Variants in ANKRD42 observed in about 807,000 individuals in gnomAD.
The protein encoded by ANKRD42 is ankyrin repeat domain-containing protein 42.
Under a neutral mutation model 51.5 loss-of-function variants are expected in ANKRD42, and 43 were observed. That is an observed-to-expected ratio of 0.83 (90% CI 0.65 to 1.08). The LOEUF (loss-of-function observed/expected upper bound fraction) is 1.08. ANKRD42 is among the 50% of genes least tolerant of loss of function. ANKRD42 has a pLI of 0.00. For missense variants in ANKRD42, 608 were observed against 629.3 expected (o/e 0.97, Z 0.36); for synonymous variants, 203 against 213.0 (o/e 0.95, Z 0.41).
Position 83,210,412 on chromosome 11 carries a change from G to T in ANKRD42, c.443G>T (p.Ser148Ile). Residue 148 changes from serine (S) to isoleucine (I), a missense_variant, in exon 4 of 11, where the codon AGT (serine) becomes ATT (isoleucine). Transcript: ENST00000533342. ...HSFTLQIMLRSGVDPSVTDKR... is the reference protein window; with the variant it reads ...HSFTLQIMLRIGVDPSVTDKR... Reference sequence around the variant, plus strand: ...TTCACTTTACAAATAATGCTCCGAAGTGGAGTGGTGAGTGACTCCTGTTAA... The same window carrying T: ...TTCACTTTACAAATAATGCTCCGAATTGGAGTGGTGAGTGACTCCTGTTAA... The T allele has an allele frequency of 6.2e-7, 1 of 1,613,876 alleles. No individual in the cohort carries two copies. The highest frequency in any genetic ancestry group is 8.5e-7 in the Non-Finnish European group (1 of 1,179,832).
At chr11:83,205,344 G>T (rs1429299191) in intron 2 of ANKRD42, among the ~76,000 whole-genome samples, 1 of 152,116 alleles carries the variant, frequency 6.6e-6, no homozygotes, top group Non-Finnish European at 1.5e-5. Flanking sequence ...TCTGCTGCAG[G>T]AAAATGATAT....
chr11:83,233,669 G>GATTTT (rs1459393494), intron 7 of ANKRD42, among the ~76,000 whole-genome samples: 1 of 151,870 alleles, frequency 6.6e-6, no homozygotes, highest in Non-Finnish European at 1.5e-5. Flanking sequence ...TGCATCATTA[G>GATTTT]ATTTTGTTTT....
chr11:83,216,038 A>G (rs943508863), intron 5 of ANKRD42, among the ~76,000 whole-genome samples: 6 of 152,026 alleles, frequency 3.9e-5, no homozygotes, highest in African/African-American at 1.5e-4. Flanking sequence ...CAAGTGATCC[A>G]CCCACCTCGG....
At chr11:83,242,855 G>A (rs1214841906) in intron 9 of ANKRD42, among the ~76,000 whole-genome samples, 2 of 152,052 alleles carry the variant, frequency 1.3e-5, no homozygotes, top group East Asian at 3.9e-4. Flanking sequence ...GAGCCACTGT[G>A]CCCGGCCGCA....
At chr11:83,256,043 T>A (rs1298954486) in exon 12 of ANKRD42, 1 of 744,342 alleles carries the variant, frequency 1.3e-6, no homozygotes, top group Non-Finnish European at 2.0e-6. Flanking sequence ...TATGCTTCTG[T>A]TCCAATTCTG....
At chr11:83,196,596 A>G (rs1861666246) in intron 1 of ANKRD42, among the ~76,000 whole-genome samples, 1 of 152,204 alleles carries the variant, frequency 6.6e-6, no homozygotes, top group Non-Finnish European at 1.5e-5. Context: ...GTTTGAAGTC[A>G]TCTGTGCTTC....
At chr11:83,219,277 C>A (rs1019831794) in intron 5 of ANKRD42, among the ~76,000 whole-genome samples, 1 of 152,216 alleles carries the variant, frequency 6.6e-6, no homozygotes, top group African/African-American at 2.4e-5. Flanking sequence ...TTGCCCCTGC[C>A]ATGTGCCTGT....
intron 3 of ANKRD42, chr11:83,210,067 TCATGTTAA>T: frequency 2.4e-6 from 1 of 410,744 alleles, no homozygotes; most frequent in Non-Finnish European, 4.4e-6. Context: ...AGAAATCTGT[TCATGTTAA>T]AAGCCTTGAT....
At chr11:83,262,960 CTACTT>C (rs1254620644), downstream of ANKRD42, among the ~76,000 whole-genome samples, 1 of 152,178 alleles carries the variant, frequency 6.6e-6, no homozygotes, top group Admixed American at 6.5e-5. Flanking sequence ...ATTACACACA[CTACTT>C]TATTTAACCA....
rs1354466801 is a variant in ANKRD42, at chr11:83,194,479, A to G, written c.-192A>G. 1 of 707,706 alleles carries G rather than the reference A, an allele frequency of 1.4e-6. No individual in the cohort carries two copies. Among genetic ancestry groups the G allele is most frequent in the Non-Finnish European group, 2.6e-6 (1 of 389,766 alleles). The allele number at this position is 707,706 out of a possible 1,614,324, so 43.8% of individuals were successfully genotyped here. A position where few individuals can be genotyped will look rare whatever the true frequency, so the allele number is the denominator to read the frequency against. ...CTACCGCTTCAGTGGCTTTTGGGAG[A>G]GAGAAAGTGAAGACGAAGGTTTCCG... On this transcript the variant is annotated 5_prime_UTR_variant, in exon 1 of 11. Transcript: ENST00000533342.
At chr11:83,221,754 A>C (rs1340663273) in intron 5 of ANKRD42, among the ~76,000 whole-genome samples, 1 of 152,200 alleles carries the variant, frequency 6.6e-6, no homozygotes, top group Non-Finnish European at 1.5e-5. Flanking sequence ...GACCTGTGGA[A>C]AGAACCTTAG....
At chr11:83,262,495 A>G (rs1863984992), downstream of ANKRD42, among the ~76,000 whole-genome samples, 1 of 152,202 alleles carries the variant, frequency 6.6e-6, no homozygotes, top group South Asian at 2.1e-4. Flanking sequence ...TAGTTAATAT[A>G]CTACCTGTAC....
chr11:83,205,968 T>C (rs1862053598), intron 2 of ANKRD42, 90 bp from the exon 3 acceptor site: 2 of 1,044,756 alleles, frequency 1.9e-6, no homozygotes, highest in Non-Finnish European at 2.9e-6. Context: ...TTCACTACAG[T>C]CTGCTATTTT....
At chr11:83,247,805 C>A in intron 10 of ANKRD42, 138 bp from the exon 11 acceptor site, 2 of 814,692 alleles carry the variant, frequency 2.5e-6, no homozygotes, top group Non-Finnish European at 3.7e-6. Context: ...TCTTAGTAGA[C>A]CCTTAATACA....
intron 7 of ANKRD42, among the ~76,000 whole-genome samples, chr11:83,231,161 T>G (rs1863058389): frequency 6.6e-6 from 1 of 152,220 alleles, no homozygotes; most frequent in Non-Finnish European, 1.5e-5. Flanking sequence ...GTTGTACAAA[T>G]TTACATTCTC....
At chr11:83,247,050 T>C (rs1053177926) in intron 10 of ANKRD42, among the ~76,000 whole-genome samples, 3 of 152,158 alleles carry the variant, frequency 2.0e-5, no homozygotes, top group African/African-American at 7.2e-5. Flanking sequence ...TTTCTTGGTA[T>C]CTCACAAATC....
At chr11:83,211,201 G>A (rs2135502747) in intron 4 of ANKRD42, 94 bp from the exon 5 acceptor site, 1 of 1,503,808 alleles carries the variant, frequency 6.6e-7, no homozygotes, top group East Asian at 2.3e-5. Flanking sequence ...ATTAAGAACA[G>A]CCTCCAATTC....
intron 7 of ANKRD42, among the ~76,000 whole-genome samples, chr11:83,230,748 G>A (rs558177239): frequency 3.9e-5 from 6 of 152,130 alleles, no homozygotes; most frequent in Non-Finnish European, 5.9e-5. Context: ...CACCATGCCC[G>A]GCTAATTTTT....
chr11:83,264,064 A>C (rs977240242), downstream of ANKRD42, among the ~76,000 whole-genome samples: 2 of 152,222 alleles, frequency 1.3e-5, no homozygotes, highest in African/African-American at 4.8e-5. Flanking sequence ...AAGTTGTTAT[A>C]TAGAAATACT....
Sources: allele counts gnomAD v4.1 joint callset (sites outside exome capture counted in the v4.1 genomes callset), GRCh38; gene constraint gnomAD v4.1.1; transcripts MANE v1.5; gene names NCBI Gene and HGNC (gene_info 2026-07-23, HGNC 2026-07-21).